The following CDK14 variants were observed in gnomAD, a reference collection of about 807,000 sequenced individuals.
CDK14 encodes cyclin-dependent kinase 14.
CDK14 carries 34 observed loss-of-function variants against 60.7 expected under a neutral mutation model. That is an observed-to-expected ratio of 0.56 (90% confidence interval 0.43 to 0.75). The LOEUF is 0.75. Ranked by LOEUF, CDK14 falls within the 30% of genes least tolerant of loss-of-function variation. CDK14 has a pLI of 0.00. For missense variants in CDK14, 482 were observed against 564.1 expected (o/e 0.85, Z 1.47); for synonymous variants, 197 against 203.7 (o/e 0.97, Z 0.28).
chr7:90,902,363 C>T (rs868304999), intron 7 of CDK14, among the ~76,000 whole-genome samples: 14 of 152,132 alleles, frequency 9.2e-5, no homozygotes, highest in East Asian at 1.9e-4. Flanking sequence ...GCTATAGTAA[C>T]GAAAACAACA....
At chr7:90,630,692 T>G (rs1799975562) in intron 2 of CDK14, among the ~76,000 whole-genome samples, 1 of 152,210 alleles carries the variant, frequency 6.6e-6, no homozygotes, top group African/African-American at 2.4e-5. Context: ...ATGATGGTTA[T>G]GTATATGTGT....
intron 2 of CDK14, among the ~76,000 whole-genome samples, chr7:90,638,124 AT>A (rs1367601275): frequency 6.6e-6 from 1 of 151,940 alleles, no homozygotes; most frequent in Non-Finnish European, 1.5e-5. Context: ...CATTTAGTCC[AT>A]TTACATTTAA....
At chr7:90,794,492 C>G (rs528720889) in intron 5 of CDK14, among the ~76,000 whole-genome samples, 1 of 147,732 alleles carries the variant, frequency 6.8e-6, no homozygotes, top group African/African-American at 2.4e-5. Flanking sequence ...CTCCCCTTGG[C>G]AATGCATTCT....
chr7:91,021,787 A>G (rs1353309467), intron 10 of CDK14, among the ~76,000 whole-genome samples: 1 of 152,188 alleles, frequency 6.6e-6, no homozygotes, highest in Non-Finnish European at 1.5e-5. Flanking sequence ...AGAAACTTTC[A>G]TTGGTCACCA....
At chr7:91,073,340 G>A (rs1798209319) in intron 11 of CDK14, among the ~76,000 whole-genome samples, 1 of 152,154 alleles carries the variant, frequency 6.6e-6, no homozygotes, top group African/African-American at 2.4e-5. Context: ...AGAAGAGAGT[G>A]GGGGCCAATA....
intron 10 of CDK14, among the ~76,000 whole-genome samples, chr7:91,039,765 T>G (rs1797037411): frequency 6.6e-6 from 1 of 152,074 alleles, no homozygotes. Flanking sequence ...TTTCAACCTC[T>G]GCTTTTTCTA....
In CDK14 at chr7:91,039,345, G is replaced by A. The variant is rs73398935; in HGVS notation, c.1042-6552G>A. Among the ~76,000 whole-genome samples, 1,076 of 152,314 alleles carry A rather than the reference G, an allele frequency of 7.1e-3. 17 individuals carry two copies. The highest frequency in any genetic ancestry group is 0.025 in the African/African-American group (1,029 of 41,542). The stretch of plus-strand genomic sequence containing the variant: ...TCGTTTATCTTCTACACATAGGAAA[G>A]GGGTGGTCATGTTGTCATCACTCAG... On this transcript the variant is annotated intron_variant, in intron 10 of 14. Transcript: ENST00000380050.
At chr7:90,922,348 G>A (rs552913015) in intron 8 of CDK14, among the ~76,000 whole-genome samples, 3 of 152,158 alleles carry the variant, frequency 2.0e-5, no homozygotes, top group South Asian at 4.2e-4. Context: ...CAAAGTTTAG[G>A]CAGTTGCTTT....
chr7:91,209,204 GT>G lies in CDK14; in HGVS notation c.*2070del, dbSNP rs1381823304. On this transcript the variant is annotated 3_prime_UTR_variant, in exon 15 of 15. Coordinates refer to ENST00000380050, the MANE Select transcript of CDK14 (RefSeq NM_001287135.2). ...ACTTGAAAATTTGAAAATATTTAAT[GT>G]TGAAAGACTTCAATTAGGGCTATTA... 1 of 152,176 alleles carries G rather than the reference GT, an allele frequency of 6.6e-6. No homozygotes were observed. The highest frequency in any genetic ancestry group is 2.4e-5 in the African/African-American group (1 of 41,434). The allele number at this position is 152,176 out of a possible 1,614,324, so 9.4% of individuals were successfully genotyped here.
At chr7:90,719,003 G>C (rs1273029211) in intron 2 of CDK14, among the ~76,000 whole-genome samples, 1 of 152,086 alleles carries the variant, frequency 6.6e-6, no homozygotes, top group East Asian at 1.9e-4. Context: ...GTAGTACTAC[G>C]ATTTAAGTGC....
chr7:90,813,701 A>T (rs568795294), intron 5 of CDK14, among the ~76,000 whole-genome samples: 5 of 152,204 alleles, frequency 3.3e-5, no homozygotes, highest in African/African-American at 1.2e-4. Flanking sequence ...GTGAGCTGAG[A>T]TCGCGCCACT....
intron 2 of CDK14, among the ~76,000 whole-genome samples, chr7:90,697,842 G>A (rs947391660): frequency 2.0e-5 from 3 of 152,068 alleles, no homozygotes; most frequent in Admixed American, 2.0e-4. Flanking sequence ...GCTGAGGCAG[G>A]TGGATCACGA....
intron 10 of CDK14, among the ~76,000 whole-genome samples, chr7:91,044,647 G>T (rs570224802): frequency 2.7e-4 from 41 of 152,218 alleles, no homozygotes; most frequent in African/African-American, 9.9e-4. Flanking sequence ...CCGTTCAGAT[G>T]GTTGAAGGGC....
intron 7 of CDK14, among the ~76,000 whole-genome samples, chr7:90,901,708 A>G (rs1428338057): frequency 6.6e-6 from 1 of 151,876 alleles, no homozygotes; most frequent in East Asian, 1.9e-4. Context: ...ACACACATAT[A>G]TATTCTCCCC....
chr7:90,810,774 GA>G (rs1162320334), intron 5 of CDK14, among the ~76,000 whole-genome samples: 1 of 151,450 alleles, frequency 6.6e-6, no homozygotes, highest in Non-Finnish European at 1.5e-5. Context: ...AAAGTCTCAG[GA>G]TACAAAATCA....
intron 10 of CDK14, among the ~76,000 whole-genome samples, chr7:91,019,748 G>C (rs1048606010): frequency 6.6e-6 from 1 of 152,008 alleles, no homozygotes; most frequent in Non-Finnish European, 1.5e-5. Flanking sequence ...ACCAACAAAG[G>C]GACTACTAAA....
intron 10 of CDK14, among the ~76,000 whole-genome samples, chr7:91,005,033 T>A (rs780966969): frequency 3.3e-5 from 5 of 152,014 alleles, no homozygotes; most frequent in African/African-American, 4.8e-5. Context: ...GTCCACTGGG[T>A]GATGGAGAGG....
chr7:91,072,134 C>A (rs1798165970), intron 11 of CDK14, among the ~76,000 whole-genome samples: 1 of 152,166 alleles, frequency 6.6e-6, no homozygotes, highest in African/African-American at 2.4e-5. Flanking sequence ...GGTTTCCATC[C>A]AGCTCGGCAC....
intron 7 of CDK14, among the ~76,000 whole-genome samples, chr7:90,903,260 C>T (rs1302384527): frequency 6.6e-6 from 1 of 152,096 alleles, no homozygotes; most frequent in East Asian, 1.9e-4. Context: ...AATTTCTGCA[C>T]CACCATGTTC....
Sources: allele counts gnomAD v4.1 joint callset (sites outside exome capture counted in the v4.1 genomes callset), GRCh38; gene constraint gnomAD v4.1.1; transcripts MANE v1.5; gene names NCBI Gene and HGNC (gene_info 2026-07-23, HGNC 2026-07-21).